The following OR7E24 variants were observed in gnomAD, a reference collection of about 807,000 sequenced individuals.
The protein encoded by OR7E24 is olfactory receptor family 7 subfamily E member 24.
For synonymous variants in OR7E24, 130 were observed against 157.5 expected (o/e 0.83, Z 1.31); for missense variants, 385 against 410.3 (o/e 0.94, Z 0.53).
the OR7E24 span, among the ~76,000 whole-genome samples, chr19:9,224,670 C>A: frequency 6.6e-6 from 1 of 151,870 alleles, no homozygotes; most frequent in South Asian, 2.1e-4. Context: ...GAGGCTGAGG[C>A]AGGAGAATCA....
chr19:9,230,911 AT>A, the OR7E24 span, among the ~76,000 whole-genome samples: 1 of 151,954 alleles, frequency 6.6e-6, no homozygotes, highest in Admixed American at 6.6e-5. Flanking sequence ...TGTAGTGTTT[AT>A]TTATTGATTG....
At chr19:9,223,734 CTTTT>C in the OR7E24 span, among the ~76,000 whole-genome samples, 3 of 135,650 alleles carry the variant, frequency 2.2e-5, no homozygotes, top group Non-Finnish European at 3.2e-5. Context: ...TTTTTCTCTT[CTTTT>C]TTTTTTTTTT....
At chr19:9,225,425 A>G in the OR7E24 span, among the ~76,000 whole-genome samples, 3 of 138,296 alleles carry the variant, frequency 2.2e-5, no homozygotes, top group African/African-American at 7.8e-5. Flanking sequence ...AAGGAAGGGA[A>G]GGAAGCGAAG....
At chr19:9,227,715 C>T in the OR7E24 span, among the ~76,000 whole-genome samples, 2 of 151,160 alleles carry the variant, frequency 1.3e-5, no homozygotes, top group African/African-American at 4.9e-5. Flanking sequence ...TGGGTATATA[C>T]CCAGTAATGG....
chr19:9,228,644 C>T, the OR7E24 span, among the ~76,000 whole-genome samples: 1 of 152,186 alleles, frequency 6.6e-6, no homozygotes, highest in Non-Finnish European at 1.5e-5. Flanking sequence ...ATGTCAAAAA[C>T]TATTGTTCAG....
At chr19:9,237,562 G>A in the OR7E24 span, among the ~76,000 whole-genome samples, 2 of 151,906 alleles carry the variant, frequency 1.3e-5, no homozygotes, top group Non-Finnish European at 2.9e-5. Flanking sequence ...TGATCCATCC[G>A]CCTCAGCCTC....
the OR7E24 span, among the ~76,000 whole-genome samples, chr19:9,225,815 G>A: frequency 1.3e-5 from 2 of 152,230 alleles, no homozygotes; most frequent in Non-Finnish European, 2.9e-5. Context: ...GGCATAAGGA[G>A]TGTAGCCATA....
chr19:9,214,879 T>G, the OR7E24 span: 2 of 1,222,014 alleles, frequency 1.6e-6, no homozygotes, highest in Non-Finnish European at 2.3e-6. Flanking sequence ...AAAGCAACGT[T>G]TAATGAACAG....
At chr19:9,234,539 G>C in the OR7E24 span, among the ~76,000 whole-genome samples, 3 of 152,162 alleles carry the variant, frequency 2.0e-5, no homozygotes, top group Admixed American at 2.0e-4. Flanking sequence ...TAACAACATT[G>C]TATTGCATAT....
At position 9,251,422 on chromosome 19, in the gene OR7E24, T is replaced by C; in HGVS notation, c.379T>C (p.Cys127Arg). The change falls in exon 1 of 1, where the codon TGT (cysteine) becomes CGT (arginine). Residue 127 changes from cysteine (C) to arginine (R), a missense_variant. Coordinates refer to ENST00000456448, the MANE Select transcript of OR7E24 (RefSeq NM_001079935.2). ...GATGTCTTTTTTTGTCCTTTTTGCA[T>C]GTATGGATGACATGCTCCTGAGTGT... Reference protein sequence around the residue: ...TQMSFFVLFACMDDMLLSVMA... With the variant: ...TQMSFFVLFARMDDMLLSVMA... 6.2e-7 allele frequency: 1 copy of C among 1,614,202 alleles called. No individual in the cohort carries two copies. The highest frequency in any genetic ancestry group is 1.1e-5 in the South Asian group (1 of 91,082).
the OR7E24 span, among the ~76,000 whole-genome samples, chr19:9,234,319 G>A: frequency 6.6e-6 from 1 of 152,134 alleles, no homozygotes; most frequent in Non-Finnish European, 1.5e-5. Flanking sequence ...TTGGAAGAGT[G>A]ATATATCCAA....
upstream of OR7E24, among the ~76,000 whole-genome samples, chr19:9,248,496 C>G (rs528941751): frequency 6.6e-6 from 1 of 152,294 alleles, no homozygotes; most frequent in South Asian, 2.1e-4. Flanking sequence ...ACCTTCCCCC[C>G]CTCGAATCCG....
the OR7E24 span, chr19:9,210,028 A>G: frequency 6.6e-6 from 1 of 152,314 alleles, no homozygotes; most frequent in East Asian, 1.9e-4. Flanking sequence ...TTGAGGAGAC[A>G]TATCAAATGT....
chr19:9,220,058 TA>T, the OR7E24 span, among the ~76,000 whole-genome samples: 2 of 151,934 alleles, frequency 1.3e-5, no homozygotes, highest in African/African-American at 2.4e-5. Context: ...TATTTTTATA[TA>T]TTTTTTTAAA....
Position 9,251,858 on chromosome 19 carries a change from C to G in OR7E24, c.815C>G (p.Thr272Arg), listed in dbSNP as rs1339750409. Residue 272 changes from threonine (T) to arginine (R), a missense_variant, in exon 1 of 1, where the codon ACA becomes AGA. Coordinates refer to ENST00000456448, the MANE Select transcript of OR7E24 (RefSeq NM_001079935.2). Reference protein sequence around the residue: ...HLAVVCLFYGTGLVGYLSSAV... With the variant: ...HLAVVCLFYGRGLVGYLSSAV... ...GCAGTTGTTTGCTTATTTTATGGAA[C>G]AGGGCTTGTAGGGTACCTCAGTTCA... The G allele has an allele frequency of 4.3e-6, 7 of 1,614,030 alleles. No individual in the cohort carries two copies. The African/African-American group carries it at 8.0e-5, about 18-fold the overall frequency.
chr19:9,227,080 G>A, the OR7E24 span, among the ~76,000 whole-genome samples: 1 of 152,104 alleles, frequency 6.6e-6, no homozygotes, highest in African/African-American at 2.4e-5. Flanking sequence ...AGTGTGTGTA[G>A]TTCCCCTCTC....
the OR7E24 span, among the ~76,000 whole-genome samples, chr19:9,225,807 C>A: frequency 2.6e-5 from 4 of 152,234 alleles, no homozygotes; most frequent in Admixed American, 6.5e-5. Context: ...TTCTTCAGGG[C>A]ATAAGGAGTG....
the OR7E24 span, among the ~76,000 whole-genome samples, chr19:9,239,968 A>C: frequency 6.6e-6 from 1 of 152,212 alleles, no homozygotes; most frequent in African/African-American, 2.4e-5. Context: ...GGCCTCCCAA[A>C]GTGCTGGGAT....
chr19:9,217,906 T>TC, the OR7E24 span, among the ~76,000 whole-genome samples: 1 of 152,126 alleles, frequency 6.6e-6, no homozygotes, highest in Non-Finnish European at 1.5e-5. Context: ...AGAAGAGAAT[T>TC]CGAGATTGTC....
Sources: allele counts gnomAD v4.1 joint callset (sites outside exome capture counted in the v4.1 genomes callset), GRCh38; gene constraint gnomAD v4.1.1; transcripts MANE v1.5; gene names NCBI Gene and HGNC (gene_info 2026-07-23, HGNC 2026-07-21).